Variants in CPNE9 observed in about 807,000 individuals in gnomAD.
CPNE9 encodes the protein copine family member 9.
Under a neutral mutation model 83.0 loss-of-function variants are expected in CPNE9, and 59 were observed. The observed-to-expected ratio is 0.71, with a 90% CI of 0.58 to 0.88. CPNE9 has a LOEUF of 0.88. Ranked by LOEUF, CPNE9 falls within the 40% of genes least tolerant of loss-of-function variation. The pLI, the probability that CPNE9 is intolerant of heterozygous loss-of-function variation, is 0.00. For missense variants in CPNE9, 619 were observed against 720.8 expected, an observed-to-expected ratio of 0.86 and a Z score of 1.62; for synonymous variants, 256 against 273.4, an observed-to-expected ratio of 0.94 and a Z score of 0.63.
intron 10 of CPNE9, among the ~76,000 whole-genome samples, chr3:9,714,362 G>T (rs1280152026): frequency 6.6e-6 from 1 of 152,042 alleles, no homozygotes; most frequent in Non-Finnish European, 1.5e-5. Flanking sequence ...ATGGTTGGAT[G>T]GGCTGATATA....
At chr3:9,727,304 T>A in intron 20 of CPNE9, 118 bp downstream of exon 20, 2 of 1,059,458 alleles carry the variant, frequency 1.9e-6, no homozygotes, top group Non-Finnish European at 3.0e-6. Context: ...CGTCACTCTT[T>A]CATCCTTTCT....
chr3:9,704,117 G>C lies in CPNE9; in HGVS notation c.68+53G>C. ...AGGCACTGGCACTGCCCCAGCCCCA[G>C]CCAGCCGCGGGGCTCAGCCTGGGCA... On this transcript the variant is annotated intron_variant, in intron 1 of 20. Transcript: ENST00000383832. This position sits in a 1 kb window ranked among gnomAD's most constrained non-coding sequence, Gnocchi z 7.1. 1.3e-6 allele frequency: 2 copies of C among 1,535,842 alleles called. No homozygotes were observed. The highest frequency in any genetic ancestry group is 1.8e-6 in the Non-Finnish European group (2 of 1,128,626).
At chr3:9,726,821 G>A in intron 19 of CPNE9, 99 bp downstream of exon 19, 1 of 1,081,996 alleles carries the variant, frequency 9.2e-7, no homozygotes, top group Non-Finnish European at 1.4e-6. Context: ...ACACAAGGTA[G>A]ACACCCCCGT....
At chr3:9,705,836 C>A (rs2076558616) in intron 6 of CPNE9, 116 bp downstream of exon 6, 12 of 1,358,958 alleles carry the variant, frequency 8.8e-6, no homozygotes, top group Admixed American at 1.8e-5. Flanking sequence ...TTCTTTCACA[C>A]CCCCTCCATT....
rs779094433 is a variant in CPNE9, at chr3:9,726,054, G to A, written c.1344+3G>A. The A allele has an allele frequency of 1.9e-6, 3 of 1,577,274 alleles. No homozygotes were observed. Among genetic ancestry groups the A allele is most frequent in the Admixed American group, 1.8e-5 (1 of 56,742 alleles). On this transcript the variant is annotated splice_donor_region_variant and intron_variant, in intron 18 of 20. Coordinates refer to ENST00000383832, the MANE Select transcript of CPNE9 (RefSeq NM_153635.3). ...AGACCAAGGAGGCCATCGTCAGCGT[G>A]AGTCTGAGGAGGAGGGCTTGGCAGG...
intron 17 of CPNE9, among the ~76,000 whole-genome samples, chr3:9,720,369 T>G (rs1167988518): frequency 2.6e-5 from 4 of 152,082 alleles, no homozygotes; most frequent in Non-Finnish European, 4.4e-5. Flanking sequence ...AGCGAAGATT[T>G]GTTTTTTTTT....
chr3:9,726,425 T>A (rs537486577), intron 18 of CPNE9, among the ~76,000 whole-genome samples: 3 of 152,284 alleles, frequency 2.0e-5, no homozygotes, highest in East Asian at 3.9e-4. Context: ...GACCTTTTTT[T>A]AAAACTATAT....
chr3:9,726,684 C>G lies in CPNE9; in HGVS notation c.1364C>G (p.Ser455Cys). The G allele has an allele frequency of 6.2e-7, 1 of 1,614,004 alleles. No individual in the cohort carries two copies. Among genetic ancestry groups the G allele is most frequent in the Non-Finnish European group, 8.5e-7 (1 of 1,179,918 alleles). ...AIVSASSLPM[S>C]IIIVGVGPAM... is the part of the protein sequence containing the mutation. ...CTACAGGCCTCCTCATTGCCCATGT[C>G]TATCATTATCGTCGGTGTAGGACCA... The change falls in exon 19 of 21, where the codon TCT becomes TGT. Residue 455 changes from serine (S) to cysteine (C), a missense_variant. This residue lies in a region of CPNE9 where 438 missense variants were observed against 562.9 expected (regional missense o/e 0.78). Transcript: ENST00000383832.
chr3:9,704,127 G>A lies in CPNE9; in HGVS notation c.68+63G>A, dbSNP rs1438724428. On this transcript the variant is annotated intron_variant, in intron 1 of 20. Transcript: ENST00000383832. The surrounding 1 kb of genome is among the most constrained non-coding windows in gnomAD (Gnocchi z 7.1). Reference sequence around the variant, plus strand: ...ACTGCCCCAGCCCCAGCCAGCCGCGGGGCTCAGCCTGGGCAGGGGCTAGAC... The same window carrying A: ...ACTGCCCCAGCCCCAGCCAGCCGCGAGGCTCAGCCTGGGCAGGGGCTAGAC... 1 of 1,512,912 alleles carries A rather than the reference G, an allele frequency of 6.6e-7. No homozygotes were observed. The highest frequency in any genetic ancestry group is 1.9e-5 in the Admixed American group (1 of 53,144). 93.7% of individuals were successfully genotyped at this position (1,512,912 alleles called of 1,614,324 possible). A position where few individuals can be genotyped will look rare whatever the true frequency, so the allele number is the denominator to read the frequency against.
intron 13 of CPNE9, 41 bp downstream of exon 13, chr3:9,715,567 C>G: frequency 6.5e-7 from 1 of 1,530,206 alleles, no homozygotes; most frequent in Non-Finnish European, 9.1e-7. Flanking sequence ...TGGATCCTTC[C>G]GTGTCTGTCC....
chr3:9,729,655 C>T lies in CPNE9; in HGVS notation c.1625C>T (p.Ala542Val). 4 of 1,613,932 alleles carry T rather than the reference C, an allele frequency of 2.5e-6. No homozygotes were observed. The highest frequency in any genetic ancestry group is 3.4e-6 in the Non-Finnish European group (4 of 1,179,858). The change falls in exon 21 of 21, where the codon GCC becomes GTC. Residue 542 changes from alanine (A) to valine (V), a missense_variant. Coordinates refer to ENST00000383832, the MANE Select transcript of CPNE9 (RefSeq NM_153635.3). ...ATCCAGCCTCGGCCCCCACCCCCTG[C>T]CAACCCCAGCCCGATCCCAGCTCCA... ...RDIQPRPPPPANPSPIPAPEQ... is the reference protein window; with the variant it reads ...RDIQPRPPPPVNPSPIPAPEQ...
intron 4 of CPNE9, 48 bp from the exon 5 acceptor site, chr3:9,705,416 C>CAAAA: frequency 2.4e-6 from 2 of 821,922 alleles, no homozygotes; most frequent in Non-Finnish European, 4.0e-6. Context: ...CCTTTCCACC[C>CAAAA]TCTCCCCCAC....
rs756409834 is a variant in CPNE9 at position 9,704,741 on chromosome 3, A to G, written c.110-8A>G. The G allele has an allele frequency of 1.2e-6, 2 of 1,611,648 alleles. No individual in the cohort carries two copies. The highest frequency in any genetic ancestry group is 1.7e-6 in the Non-Finnish European group (2 of 1,179,498). On this transcript the variant is annotated splice_region_variant and splice_polypyrimidine_tract_variant and intron_variant, in intron 2 of 20. Transcript: ENST00000383832. This position sits in a 1 kb window ranked among gnomAD's most constrained non-coding sequence, Gnocchi z 7.1. ...CTGACGTCCTTCCCTCCCCGCCCCC[A>G]CCTGCAGTGGTGGTGCTTTACACGC...
At chr3:9,725,435 T>A (rs547851419) in intron 17 of CPNE9, among the ~76,000 whole-genome samples, 95 of 151,896 alleles carry the variant, frequency 6.3e-4, no homozygotes, top group Non-Finnish European at 1.0e-3. Context: ...CTCAGGAGGC[T>A]GAGGCAGGAG....
chr3:9,724,002 G>C (rs1044988932), intron 17 of CPNE9, among the ~76,000 whole-genome samples: 1 of 152,084 alleles, frequency 6.6e-6, no homozygotes, highest in Non-Finnish European at 1.5e-5. Context: ...TGTGGATATG[G>C]GGCACTTGAA....
chr3:9,715,907 C>G, intron 13 of CPNE9, 67 bp from the exon 14 acceptor site: 74 of 1,105,528 alleles, frequency 6.7e-5, no homozygotes, highest in Non-Finnish European at 8.7e-5. Flanking sequence ...CCCCTATGGG[C>G]CTCACTTCCT....
rs572068481 is a variant in CPNE9 at position 9,720,967 on chromosome 3, T to C, written c.1241+2365T>C. 3.3e-4 allele frequency among the ~76,000 whole-genome samples: 50 copies of C among 152,356 alleles called. No individual in the cohort carries two copies. The South Asian group carries it at 4.1e-3, about 13-fold the overall frequency. ...GAGGAAAGTAACAATGTCTACTTCATAGGGTTGTTGTGAGGACTAACTAAT... is the reference window on the plus strand; with the variant it reads ...GAGGAAAGTAACAATGTCTACTTCACAGGGTTGTTGTGAGGACTAACTAAT... On this transcript the variant is annotated intron_variant, in intron 17 of 20. Transcript: ENST00000383832.
intron 17 of CPNE9, among the ~76,000 whole-genome samples, chr3:9,718,984 A>C (rs1034618335): frequency 6.6e-6 from 1 of 151,482 alleles, no homozygotes; most frequent in Non-Finnish European, 1.5e-5. Context: ...TTACTGGCGC[A>C]TGCCACCACA....
chr3:9,722,804 C>T (rs967005544), intron 17 of CPNE9, among the ~76,000 whole-genome samples: 5 of 152,256 alleles, frequency 3.3e-5, no homozygotes, highest in Non-Finnish European at 7.4e-5. Context: ...TGTGAGCCAC[C>T]AGGTCCAGCC....
Sources: allele counts gnomAD v4.1 joint callset (sites outside exome capture counted in the v4.1 genomes callset), GRCh38; gene constraint gnomAD v4.1.1; regional missense constraint gnomAD v4.1.1; non-coding constraint Gnocchi (gnomAD v3.1); transcripts MANE v1.5; gene names NCBI Gene and HGNC (gene_info 2026-07-23, HGNC 2026-07-21).